The following TNFAIP8 variants were observed in gnomAD, a reference collection of about 807,000 sequenced individuals.
TNFAIP8 encodes the protein tumor necrosis factor alpha-induced protein 8.
A neutral mutation model predicts 13.3 loss-of-function variants in TNFAIP8; 7 were observed. The observed-to-expected ratio is 0.52, with a 90% CI of 0.30 to 0.99. TNFAIP8 has a LOEUF of 0.99. Ranked by LOEUF, TNFAIP8 falls within the 50% of genes least tolerant of loss-of-function variation. TNFAIP8 has a pLI of 0.07. For synonymous variants in TNFAIP8, 94 were observed against 87.6 expected, an observed-to-expected ratio of 1.07 and a Z score of -0.41; for missense variants, 258 against 236.9, an observed-to-expected ratio of 1.09 and a Z score of -0.58.
chr5:119,334,626 TGTG>T, intron 1 of TNFAIP8, among the ~76,000 whole-genome samples: 1 of 55,848 alleles, frequency 1.8e-5, no homozygotes, highest in African/African-American at 1.4e-4. Flanking sequence ...GATCCTTTCG[TGTG>T]TGTGTGTGTG....
chr5:119,360,343 T>C (rs1295833010), intron 1 of TNFAIP8, among the ~76,000 whole-genome samples: 1 of 152,236 alleles, frequency 6.6e-6, no homozygotes, highest in African/African-American at 2.4e-5. Context: ...TTTCTGTCTT[T>C]ATGCTAGCAA....
intron 1 of TNFAIP8, among the ~76,000 whole-genome samples, chr5:119,384,932 C>T (rs887189547): frequency 6.6e-6 from 1 of 152,144 alleles, no homozygotes; most frequent in African/African-American, 2.4e-5. Context: ...TCAAAATCGT[C>T]ATAAAACTAA....
At chr5:119,300,466 G>C (rs1280859626) in intron 1 of TNFAIP8, among the ~76,000 whole-genome samples, 1 of 152,176 alleles carries the variant, frequency 6.6e-6, no homozygotes, top group African/African-American at 2.4e-5. Context: ...AAAGCACTGA[G>C]TAATGGAATT....
At chr5:119,282,524 G>A (rs1287404320) in intron 1 of TNFAIP8, among the ~76,000 whole-genome samples, 1 of 152,220 alleles carries the variant, frequency 6.6e-6, no homozygotes, top group African/African-American at 2.4e-5. Flanking sequence ...TTTTCAGACT[G>A]TGTTCTTGTT....
chr5:119,350,938 A>G (rs1751102109), intron 1 of TNFAIP8, among the ~76,000 whole-genome samples: 1 of 141,592 alleles, frequency 7.1e-6, no homozygotes, highest in African/African-American at 2.7e-5. Flanking sequence ...ACAATTTTTT[A>G]ACTCTATGTG....
intron 1 of TNFAIP8, among the ~76,000 whole-genome samples, chr5:119,327,783 C>A (rs764279253): frequency 6.6e-6 from 1 of 152,102 alleles, no homozygotes; most frequent in Non-Finnish European, 1.5e-5. Context: ...TTTACAGCAA[C>A]CCTAGGAAGG....
intron 1 of TNFAIP8, chr5:119,333,192 T>C (rs940719435): frequency 2.0e-6 from 2 of 994,720 alleles, no homozygotes; most frequent in Non-Finnish European, 2.4e-6. Context: ...AATATACTCC[T>C]GTTTGCTTGT....
At chr5:119,321,473 G>T (rs1354813123) in intron 1 of TNFAIP8, among the ~76,000 whole-genome samples, 11 of 152,068 alleles carry the variant, frequency 7.2e-5, no homozygotes, top group Non-Finnish European at 1.0e-4. Flanking sequence ...TTATTCTGTT[G>T]TCTGTTTTAC....
rs545813563 is a variant in TNFAIP8, at chr5:119,389,018, C to T, written c.32-3798C>T. Among the ~76,000 whole-genome samples, 365 of 152,176 alleles carry T rather than the reference C, an allele frequency of 2.4e-3. 2 individuals are homozygous for T. Among genetic ancestry groups the T allele is most frequent in the African/African-American group, 8.5e-3 (354 of 41,514 alleles). On this transcript the variant is annotated intron_variant, in intron 1 of 1. Coordinates refer to ENST00000504771, the MANE Select transcript of TNFAIP8 (RefSeq NM_014350.4). ...ATAGAAAGGGGTTTGGACTAGGCTG[C>T]TGTCCGTGGAGATGGAGGGAAATGG...
chr5:119,350,485 C>G (rs1462927638), intron 1 of TNFAIP8, among the ~76,000 whole-genome samples: 1 of 152,128 alleles, frequency 6.6e-6, no homozygotes, highest in African/African-American at 2.4e-5. Context: ...AAAAGAAGGA[C>G]CGTGGGTCAT....
chr5:119,310,485 G>A (rs1749695444), intron 1 of TNFAIP8, among the ~76,000 whole-genome samples: 1 of 152,198 alleles, frequency 6.6e-6, no homozygotes, highest in South Asian at 2.1e-4. Context: ...AGAAAACTTT[G>A]AGAGGAGAGA....
rs146684869 is a variant in TNFAIP8, at chr5:119,334,422, C to T, written c.2-58394C>T. The stretch of plus-strand genomic sequence containing the variant: ...GATTTTTTGGAGCTTAAATTTAATA[C>T]TAGGGAAAAACTAGAATTTGGAAGA... On this transcript the variant is annotated intron_variant, in intron 1 of 1. Transcript: ENST00000274456. Among the ~76,000 whole-genome samples, 4 of 151,894 alleles carry T rather than the reference C, an allele frequency of 2.6e-5. No homozygotes were observed. In the East Asian group the frequency reaches 7.7e-4, roughly 29 times the overall value.
intron 1 of TNFAIP8, among the ~76,000 whole-genome samples, chr5:119,281,589 T>G (rs1237582082): frequency 6.6e-6 from 1 of 152,230 alleles, no homozygotes; most frequent in Non-Finnish European, 1.5e-5. Flanking sequence ...CTATGATTAC[T>G]GAAAACAATA....
rs191953161 is a variant in TNFAIP8, at chr5:119,345,648, G to A, written c.2-47168G>A. On this transcript the variant is annotated intron_variant, in intron 1 of 1. Coordinates refer to the TNFAIP8 transcript ENST00000274456. The stretch of plus-strand genomic sequence containing the variant: ...AATTCCACTGAATGTAAGTTACCTG[G>A]AGTAGTCAAATTTATAGAGACAAAA... 1.2e-4 allele frequency among the ~76,000 whole-genome samples: 19 copies of A among 152,300 alleles called. 1 individual carries two copies. The highest frequency in any genetic ancestry group is 3.1e-4 in the African/African-American group (13 of 41,560).
intron 1 of TNFAIP8, among the ~76,000 whole-genome samples, chr5:119,275,960 C>T (rs1349474416): frequency 1.3e-5 from 2 of 152,066 alleles, no homozygotes; most frequent in Non-Finnish European, 2.9e-5. Flanking sequence ...ACACCAGGGC[C>T]TTTCAGCCTT....
intron 1 of TNFAIP8, among the ~76,000 whole-genome samples, chr5:119,366,326 A>G (rs995510830): frequency 6.6e-6 from 1 of 152,128 alleles, no homozygotes; most frequent in African/African-American, 2.4e-5. Flanking sequence ...CTTGGAGCCA[A>G]TGAAATGTGG....
upstream of TNFAIP8, chr5:119,354,954 G>T: frequency 5.6e-6 from 1 of 178,324 alleles, no homozygotes; most frequent in Non-Finnish European, 1.2e-5. Flanking sequence ...TATGTTATTT[G>T]AGGACTTTTT....
intron 1 of TNFAIP8, among the ~76,000 whole-genome samples, chr5:119,298,780 A>G (rs1449685276): frequency 6.6e-6 from 1 of 151,900 alleles, no homozygotes. Flanking sequence ...ACATAGTCCC[A>G]TATTTCTTAG....
chr5:119,278,352 G>GAGAGA (rs1748519942), intron 1 of TNFAIP8, among the ~76,000 whole-genome samples: 8 of 123,204 alleles, frequency 6.5e-5, no homozygotes, highest in African/African-American at 2.8e-4. Context: ...ACAGGAAGGG[G>GAGAGA]GAGAGAGAGA....
Sources: allele counts gnomAD v4.1 joint callset (sites outside exome capture counted in the v4.1 genomes callset), GRCh38; gene constraint gnomAD v4.1.1; transcripts MANE v1.5; gene names NCBI Gene and HGNC (gene_info 2026-07-23, HGNC 2026-07-21).